The following DIP2C variants were observed in gnomAD, a reference collection of about 807,000 sequenced individuals.
DIP2C encodes the protein disco-interacting protein 2 homolog C.
A neutral mutation model predicts 192.4 loss-of-function variants in DIP2C; 33 were observed. That is an observed-to-expected ratio of 0.17 (90% CI 0.13 to 0.23). The LOEUF (loss-of-function observed/expected upper bound fraction) is 0.23, where lower values mean the gene tolerates loss of function less well. Ranked by LOEUF, DIP2C falls within the 10% of genes least tolerant of loss-of-function variation. DIP2C has a pLI of 1.00. For synonymous variants in DIP2C, 979 were observed against 864.1 expected (o/e 1.13, Z -2.33); for missense variants, 1,537 against 2,110.1 (o/e 0.73, Z 5.32).
At chr10:577,292 A>T (rs1046754724) in intron 1 of DIP2C, among the ~76,000 whole-genome samples, 2 of 152,242 alleles carry the variant, frequency 1.3e-5, no homozygotes, top group African/African-American at 4.8e-5. Context: ...TCACTAATTC[A>T]CTAGCGATTA....
chr10:475,974 A>C (rs1006869456), intron 2 of DIP2C, among the ~76,000 whole-genome samples: 1 of 152,220 alleles, frequency 6.6e-6, no homozygotes, highest in African/African-American at 2.4e-5. Flanking sequence ...GCATGACTGC[A>C]GCATACCGCT....
chr10:294,137 G>T (rs536672256), intron 32 of DIP2C, among the ~76,000 whole-genome samples: 121 of 152,288 alleles, frequency 7.9e-4, no homozygotes, highest in Non-Finnish European at 1.1e-3. Flanking sequence ...AGAGCTCTGT[G>T]TTTTCTTCCC....
At chr10:615,151 G>C (rs1853367731) in intron 1 of DIP2C, among the ~76,000 whole-genome samples, 1 of 152,244 alleles carries the variant, frequency 6.6e-6, no homozygotes, top group Non-Finnish European at 1.5e-5. Flanking sequence ...ACTTCTCGGA[G>C]AGAGACACAG....
intron 2 of DIP2C, chr10:484,972 A>G: frequency 6.3e-7 from 1 of 1,586,600 alleles, no homozygotes; most frequent in Non-Finnish European, 8.5e-7. Context: ...AAAAAAAACT[A>G]ATTAATTCAA....
intron 5 of DIP2C, among the ~76,000 whole-genome samples, chr10:421,812 A>G (rs1308722089): frequency 1.3e-5 from 2 of 152,034 alleles, no homozygotes; most frequent in Non-Finnish European, 2.9e-5. Context: ...AGCAGCAGTT[A>G]TTGGGAAAAG....
intron 1 of DIP2C, among the ~76,000 whole-genome samples, chr10:587,603 AG>A (rs2131620893): frequency 6.6e-6 from 1 of 152,034 alleles, no homozygotes; most frequent in Non-Finnish European, 1.5e-5. Context: ...CATCCACACC[AG>A]GCACTGCCTC....
intron 1 of DIP2C, among the ~76,000 whole-genome samples, chr10:530,273 C>G (rs1378932135): frequency 6.6e-6 from 1 of 152,254 alleles, no homozygotes; most frequent in Admixed American, 6.5e-5. Flanking sequence ...TCCTTATTTG[C>G]TATGGGCTTG....
At chr10:445,779 C>A (rs538560453) in intron 3 of DIP2C, among the ~76,000 whole-genome samples, 6 of 141,708 alleles carry the variant, frequency 4.2e-5, no homozygotes, top group Non-Finnish European at 7.6e-5. Flanking sequence ...CTGGGCATCT[C>A]TATACATCTG....
intron 1 of DIP2C, among the ~76,000 whole-genome samples, chr10:594,706 G>A (rs1002272483): frequency 1.3e-5 from 2 of 152,086 alleles, no homozygotes; most frequent in African/African-American, 4.8e-5. Flanking sequence ...CCTAGTGAAG[G>A]GCAGGTCTCG....
chr10:397,998 T>A (rs563078245), intron 10 of DIP2C, among the ~76,000 whole-genome samples: 5 of 152,152 alleles, frequency 3.3e-5, no homozygotes, highest in Non-Finnish European at 7.3e-5. Flanking sequence ...CAAAGCTGAC[T>A]CTCTGGAGCA....
chr10:406,946 A>G (rs1964848206), intron 9 of DIP2C, among the ~76,000 whole-genome samples: 1 of 152,088 alleles, frequency 6.6e-6, no homozygotes, highest in South Asian at 2.1e-4. Flanking sequence ...AGACAGCAGG[A>G]AAAACTCAGT....
chr10:500,093 T>TG (rs1390838533), intron 1 of DIP2C, among the ~76,000 whole-genome samples: 3 of 152,344 alleles, frequency 2.0e-5, no homozygotes, highest in East Asian at 1.9e-4. Flanking sequence ...CGCAGACTCC[T>TG]GCAAGCCTTC....
chr10:285,698 C>G (rs1189990083), intron 34 of DIP2C, among the ~76,000 whole-genome samples: 1 of 152,260 alleles, frequency 6.6e-6, no homozygotes, highest in African/African-American at 2.4e-5. Context: ...CAAGGCCACA[C>G]AGCTCCACGA....
At chr10:451,295 T>C (rs1364103437) in intron 3 of DIP2C, among the ~76,000 whole-genome samples, 1 of 140,946 alleles carries the variant, frequency 7.1e-6, no homozygotes, top group Non-Finnish European at 1.5e-5. Flanking sequence ...ACCTCAAACC[T>C]CAACACTTTG....
rs546946009 is a variant in DIP2C, at chr10:390,366, T to C, written c.1392A>G (p.Pro464=). ...TGEIPQFKGW[P]KLLWFVTESK... is the part of the protein sequence containing the mutation. ...ACTCTGTGACAAACCACAGCAGCTTTGGCCAACCTTGGAAATAAACAACAA... is the reference window on the plus strand; with the variant it reads ...ACTCTGTGACAAACCACAGCAGCTTCGGCCAACCTTGGAAATAAACAACAA... The change falls in exon 12 of 37, where the codon CCA becomes CCG. Residue 464 remains proline, a synonymous_variant. Transcript: ENST00000280886. 6.2e-7 allele frequency: 1 copy of C among 1,613,898 alleles called. No homozygotes were observed. Among genetic ancestry groups the C allele is most frequent in the African/African-American group, 1.3e-5 (1 of 74,948 alleles).
At chr10:649,967 G>A in intron 1 of DIP2C, 1 of 616,344 alleles carries the variant, frequency 1.6e-6, no homozygotes, top group Non-Finnish European at 2.9e-6. Context: ...AAACGGAAAA[G>A]GAAATGTAAG....
At chr10:601,043 T>A (rs954577884) in intron 1 of DIP2C, among the ~76,000 whole-genome samples, 2 of 152,192 alleles carry the variant, frequency 1.3e-5, no homozygotes, top group Non-Finnish European at 2.9e-5. Context: ...CAGTCAATCG[T>A]TGAGGGCTCT....
At chr10:618,331 G>C (rs1364354284) in intron 1 of DIP2C, among the ~76,000 whole-genome samples, 4 of 152,228 alleles carry the variant, frequency 2.6e-5, no homozygotes, top group African/African-American at 7.2e-5. Context: ...CAGGCCTGGA[G>C]AGGCAGACAT....
chr10:508,610 G>A (rs1047961133), intron 1 of DIP2C, among the ~76,000 whole-genome samples: 1 of 152,176 alleles, frequency 6.6e-6, no homozygotes, highest in African/African-American at 2.4e-5. Flanking sequence ...TCTCTGGGAT[G>A]GATGGATGGG....
Sources: gnomAD v4.1 joint callset for allele counts (sites outside exome capture counted in the v4.1 genomes callset) on GRCh38, gnomAD v4.1.1 for gene constraint, MANE v1.5 for transcripts, NCBI Gene and HGNC (gene_info 2026-07-23, HGNC 2026-07-21) for gene names.